SNURF: variants seen among roughly 807,000 people sequenced by gnomAD.
SNURF encodes SNRPN upstream open reading frame.
In SNURF, 6 loss-of-function variants were observed where a neutral mutation model predicts 11.6. The ratio of observed to expected loss-of-function variants is 0.52; its 90% CI spans 0.28 to 1.02. The LOEUF (loss-of-function observed/expected upper bound fraction) is 1.02. Ranked by LOEUF, SNURF falls within the 50% of genes least tolerant of loss-of-function variation. SNURF has a pLI of 0.09. For missense variants in SNURF, 84 were observed against 88.4 expected (o/e 0.95, Z 0.20); for synonymous variants, 29 against 31.6 (o/e 0.92, Z 0.27).
chr15:24,959,817 A>T (rs1403725494), intron 1 of SNURF, among the ~76,000 whole-genome samples: 1 of 152,226 alleles, frequency 6.6e-6, no homozygotes, highest in Non-Finnish European at 1.5e-5. Flanking sequence ...GGCTATTATG[A>T]ATAATGCTAC....
chr15:24,958,507 T>G (rs1369282208), intron 1 of SNURF, among the ~76,000 whole-genome samples: 1 of 139,108 alleles, frequency 7.2e-6, no homozygotes, highest in African/African-American at 2.7e-5. Flanking sequence ...TTTTTTTTTT[T>G]TTTTTTTTTT....
chr15:24,963,447 T>C (rs2075150610), intron 2 of SNURF, among the ~76,000 whole-genome samples: 1 of 151,720 alleles, frequency 6.6e-6, no homozygotes. Context: ...AAACCCCGTC[T>C]CTCCTAAAAA....
chr15:24,960,143 T>TA (rs1330440921), intron 1 of SNURF, among the ~76,000 whole-genome samples: 1 of 151,640 alleles, frequency 6.6e-6, no homozygotes, highest in Non-Finnish European at 1.5e-5. Flanking sequence ...TGCATGCCTG[T>TA]AATCCCAGCT....
At chr15:24,971,641 C>A (rs761995896), downstream of SNURF, among the ~76,000 whole-genome samples, 1 of 152,014 alleles carries the variant, frequency 6.6e-6, no homozygotes, top group Non-Finnish European at 1.5e-5. Flanking sequence ...ACCTCTGGAC[C>A]GCTAAGCTTG....
intron 1 of SNURF, 26 bp downstream of exon 1, chr15:24,955,088 A>T: frequency 6.2e-7 from 1 of 1,613,594 alleles, no homozygotes; most frequent in Non-Finnish European, 8.5e-7. Flanking sequence ...GGCTTCTCTC[A>T]AGAGACAGCC....
Position 24,958,413 on chromosome 15 carries a change from C to T in SNURF, c.14+3351C>T, listed in dbSNP as rs551556938. Reference sequence around the variant, plus strand: ...TTTTTTTTTTTTTTGTGGCCCAGGGCCAGAAAGCTTGAGTGAGAATTGTTA... The same window carrying T: ...TTTTTTTTTTTTTTGTGGCCCAGGGTCAGAAAGCTTGAGTGAGAATTGTTA... On this transcript the variant is annotated intron_variant, in intron 1 of 2. Transcript: ENST00000577949. Among the ~76,000 whole-genome samples the T allele has an allele frequency of 2.0e-4, 29 of 144,828 alleles. No homozygotes were observed. The South Asian group carries it at 4.1e-3, about 21-fold the overall frequency.
intron 1 of SNURF, among the ~76,000 whole-genome samples, chr15:24,959,890 G>GTA: frequency 1.3e-5 from 2 of 152,244 alleles, no homozygotes; most frequent in Middle Eastern, 6.8e-3. Context: ...CTTAGCCCTC[G>GTA]TATATGCCAG....
chr15:24,970,361 C>A (rs2153616346), downstream of SNURF, among the ~76,000 whole-genome samples: 1 of 152,280 alleles, frequency 6.6e-6, no homozygotes. Context: ...AGGTGGATCA[C>A]CTGAGGTCAG....
chr15:24,977,469 A>G (rs1381336579), intron 6 of SNURF, among the ~76,000 whole-genome samples: 1 of 152,034 alleles, frequency 6.6e-6, no homozygotes, highest in African/African-American at 2.4e-5. Context: ...TGAAAACCCT[A>G]TCTCTACTAA....
intron 2 of SNURF, among the ~76,000 whole-genome samples, chr15:24,963,981 A>G (rs1449861005): frequency 1.3e-5 from 2 of 152,130 alleles, no homozygotes; most frequent in African/African-American, 4.8e-5. Context: ...GCAGTGAGCC[A>G]TGTTTGTGCC....
intron 1 of SNURF, among the ~76,000 whole-genome samples, chr15:24,961,306 A>T (rs2153470542): frequency 6.6e-6 from 1 of 152,370 alleles, no homozygotes; most frequent in Non-Finnish European, 1.5e-5. Flanking sequence ...AACATGACTT[A>T]AAAACATCTA....
At chr15:24,975,261 C>A in intron 3 of SNURF, 2 of 938,544 alleles carry the variant, frequency 2.1e-6, no homozygotes, top group South Asian at 1.6e-5. Context: ...TTAAGGAAAC[C>A]AGGCTTAGAT....
At chr15:24,970,785 A>G (rs1320476041), downstream of SNURF, among the ~76,000 whole-genome samples, 1 of 152,236 alleles carries the variant, frequency 6.6e-6, no homozygotes, top group East Asian at 1.9e-4. Flanking sequence ...TTAGTTTCTC[A>G]GTACCACCCT....
downstream of SNURF, chr15:24,978,599 A>AT (rs1349181843): frequency 8.2e-6 from 6 of 734,844 alleles, no homozygotes; most frequent in East Asian, 5.1e-5. Flanking sequence ...TGTTGTATAT[A>AT]TTTTTTTGCC....
chr15:24,974,388 C>T, intron 3 of SNURF: 6 of 1,506,008 alleles, frequency 4.0e-6, no homozygotes, highest in Non-Finnish European at 5.5e-6. Context: ...TATCTATAGC[C>T]TTCCCCTAGG....
At chr15:24,965,848 C>A (rs1016480124) in intron 2 of SNURF, among the ~76,000 whole-genome samples, 1 of 151,600 alleles carries the variant, frequency 6.6e-6, no homozygotes, top group Non-Finnish European at 1.5e-5. Context: ...AATTATCTTA[C>A]GTTTCAAGAT....
At chr15:24,970,299 G>A (rs1343054801), downstream of SNURF, among the ~76,000 whole-genome samples, 2 of 152,206 alleles carry the variant, frequency 1.3e-5, no homozygotes, top group Non-Finnish European at 2.9e-5. Context: ...TATTAATGTG[G>A]CCGGGTGTGG....
At chr15:24,973,772 T>C (rs1336453470), downstream of SNURF, among the ~76,000 whole-genome samples, 2 of 152,200 alleles carry the variant, frequency 1.3e-5, no homozygotes, top group Non-Finnish European at 2.9e-5. Context: ...TATATATATA[T>C]ATTCCATAGT....
intron 1 of SNURF, among the ~76,000 whole-genome samples, chr15:24,961,260 C>T (rs558986711): frequency 1.1e-4 from 16 of 152,200 alleles, no homozygotes; most frequent in Admixed American, 2.0e-4. Context: ...AACAGCTGTG[C>T]GTTATTGGTA....
Sources: allele counts gnomAD v4.1 joint callset (sites outside exome capture counted in the v4.1 genomes callset), GRCh38; gene constraint gnomAD v4.1.1; transcripts MANE v1.5; gene names NCBI Gene and HGNC (gene_info 2026-07-23, HGNC 2026-07-21).